IGSF3: variants seen among roughly 807,000 people sequenced by gnomAD.
IGSF3 encodes immunoglobulin superfamily member 3, also known as glu-Trp-Ile EWI motif-containing protein 3.
Under a neutral mutation model 114.4 loss-of-function variants are expected in IGSF3, and 23 were observed. The ratio of observed to expected loss-of-function variants is 0.20; its 90% CI spans 0.14 to 0.28. The LOEUF is 0.28. Ranked by LOEUF, IGSF3 falls within the 10% of genes least tolerant of loss-of-function variation. IGSF3 has a pLI of 1.00. For synonymous variants in IGSF3, 571 were observed against 645.2 expected (o/e 0.88, Z 1.74); for missense variants, 1,172 against 1,591.5 (o/e 0.74, Z 4.48).
chr1:116,579,618 C>G lies in IGSF3; in HGVS notation c.3108G>C (p.Val1036=). The G allele has an allele frequency of 6.2e-7, 1 of 1,614,120 alleles. No individual in the cohort carries two copies. The highest frequency in any genetic ancestry group is 1.1e-5 in the South Asian group (1 of 91,070). ...DPTERTALLS[V]GPDAVFGPEG... is the part of the protein sequence containing the mutation. ...CTGGGCCAAAGACAGCATCTGGGCC[C>G]ACGCTCAGCAGGGCCGTCCGCTCTG... The change falls in exon 10 of 11, where the codon GTG becomes GTC. Residue 1036 remains valine (V), a synonymous_variant. Coordinates refer to ENST00000369486, the MANE Select transcript of IGSF3 (RefSeq NM_001007237.3). The surrounding 1 kb of genome is among the most constrained non-coding windows in gnomAD (Gnocchi z 6.4).
chr1:116,618,743 T>C lies in IGSF3; in HGVS notation c.44-2286A>G, dbSNP rs895119488. On this transcript the variant is annotated intron_variant, in intron 2 of 10. Transcript: ENST00000369486. This position sits in a 1 kb window ranked among gnomAD's most constrained non-coding sequence, Gnocchi z 4.7. ...ATATGGTGACATTTTAATCAAATGATTGCAGTATTCCTGAAACACAGAACA... is the reference window on the plus strand; with the variant it reads ...ATATGGTGACATTTTAATCAAATGACTGCAGTATTCCTGAAACACAGAACA... Among the ~76,000 whole-genome samples the C allele has an allele frequency of 6.6e-6, 1 of 152,224 alleles. No individual in the cohort carries two copies. Among genetic ancestry groups the C allele is most frequent in the Non-Finnish European group, 1.5e-5 (1 of 68,034 alleles).
chr1:116,617,367 G>A (rs1347103190), intron 2 of IGSF3: 14 of 985,280 alleles, frequency 1.4e-5, no homozygotes, highest in Non-Finnish European at 1.6e-5. Context: ...CCACTCAGAA[G>A]GCGGGAGGGG....
In IGSF3 at chr1:116,660,839, A is replaced by C. The variant is rs117613202; in HGVS notation, c.43+5445T>G. Among the ~76,000 whole-genome samples the C allele has an allele frequency of 3.9e-5, 6 of 152,350 alleles. No homozygotes were observed. The East Asian group carries it at 1.2e-3, about 29-fold the overall frequency. On this transcript the variant is annotated intron_variant, in intron 2 of 10. Transcript: ENST00000369486. ...CACAAAAAAGGTTAAGAAGCTCTAT[A>C]ATCAGACAAATGTGAATTCAAATTC...
rs1452464053 is a variant in IGSF3, at chr1:116,644,775, C to T, written c.43+21509G>A. Among the ~76,000 whole-genome samples, 4 of 152,188 alleles carry T rather than the reference C, an allele frequency of 2.6e-5. No homozygotes were observed. Among genetic ancestry groups the T allele is most frequent in the Non-Finnish European group, 5.9e-5 (4 of 68,038 alleles). ...ACTGGCTCCAAATGGTCAGACTTCCCAAGAAATTCCTGTGAAAAGGACAGG... is the reference window on the plus strand; with the variant it reads ...ACTGGCTCCAAATGGTCAGACTTCCTAAGAAATTCCTGTGAAAAGGACAGG... On this transcript the variant is annotated intron_variant, in intron 2 of 10. Coordinates refer to ENST00000369486, the MANE Select transcript of IGSF3 (RefSeq NM_001007237.3). This position sits in a 1 kb window ranked among gnomAD's most constrained non-coding sequence, Gnocchi z 5.6.
Position 116,642,625 on chromosome 1 carries a change from C to T in IGSF3, c.43+23659G>A, listed in dbSNP as rs533109804. Among the ~76,000 whole-genome samples, 2 of 152,354 alleles carry T rather than the reference C, an allele frequency of 1.3e-5. No homozygotes were observed. Among genetic ancestry groups the T allele is most frequent in the East Asian group, 3.9e-4 (2 of 5,190 alleles). Reference sequence around the variant, plus strand: ...GTAACCAAATGTGAAAAAGAAAAGCCTCACAAGAATTAAAATTGATGGTTG... The same window carrying T: ...GTAACCAAATGTGAAAAAGAAAAGCTTCACAAGAATTAAAATTGATGGTTG... On this transcript the variant is annotated intron_variant, in intron 2 of 10. Coordinates refer to ENST00000369486, the MANE Select transcript of IGSF3 (RefSeq NM_001007237.3). This position sits in a 1 kb window ranked among gnomAD's most constrained non-coding sequence, Gnocchi z 5.4.
intron 8 of IGSF3, among the ~76,000 whole-genome samples, chr1:116,587,421 C>T (rs868288307): frequency 5.3e-5 from 8 of 152,064 alleles, no homozygotes; most frequent in African/African-American, 1.9e-4. Flanking sequence ...CTAGGAATCC[C>T]CCTTCACGGA....
intron 6 of IGSF3, among the ~76,000 whole-genome samples, chr1:116,601,548 A>G (rs2101436275): frequency 6.6e-6 from 1 of 152,350 alleles, no homozygotes; most frequent in East Asian, 1.9e-4. Context: ...ATTTTGTTAA[A>G]TATTTTGTTA....
In IGSF3 at chr1:116,584,790, G is replaced by A. The variant is rs1420868896; in HGVS notation, c.2703C>T (p.Tyr901=). The A allele has an allele frequency of 2.5e-6, 4 of 1,614,266 alleles. No homozygotes were observed. The highest frequency in any genetic ancestry group is 3.4e-6 in the Non-Finnish European group (4 of 1,180,050). Residue 901 remains tyrosine, a synonymous_variant, in exon 9 of 11, where the codon TAC becomes TAT. Transcript: ENST00000369486. This position sits in a 1 kb window ranked among gnomAD's most constrained non-coding sequence, Gnocchi z 5.8. Reference sequence around the variant, plus strand: ...CAGCCACGTTCTGGATGAAGAGACGGTACACGCCGGGGGAAGGACTCTCCA... The same window carrying A: ...CAGCCACGTTCTGGATGAAGAGACGATACACGCCGGGGGAAGGACTCTCCA... ...LHLESPSPGV[Y]RLFIQNVAVQ... is the part of the protein sequence containing the mutation.
At position 116,604,076 on chromosome 1, in the gene IGSF3, G is replaced by A. The variant is rs41275572; in HGVS notation, c.1223-51C>T. 4.2e-3 allele frequency: 5,895 copies of A among 1,411,046 alleles called. 20 individuals are homozygous for A. The highest frequency in any genetic ancestry group is 8.1e-3 in the South Asian group (609 of 75,522). The allele number at this position is 1,411,046 out of a possible 1,614,324, so 87.4% of individuals were successfully genotyped here. ...CTGGAGGCTTTATGGTCTCCACAGC[G>A]CCCTCCCCACAGAGGAAACAGGAGA... On this transcript the variant is annotated intron_variant, in intron 5 of 10. Coordinates refer to ENST00000369486, the MANE Select transcript of IGSF3 (RefSeq NM_001007237.3).
Position 116,603,609 on chromosome 1 carries a change from C to A in IGSF3, c.1624+15G>T, listed in dbSNP as rs1460300697. On this transcript the variant is annotated intron_variant, in intron 6 of 10. Coordinates refer to ENST00000369486, the MANE Select transcript of IGSF3 (RefSeq NM_001007237.3). This position sits in a 1 kb window ranked among gnomAD's most constrained non-coding sequence, Gnocchi z 7.1. ...CTCCATGCCAGACCCACTGCCAGTC[C>A]CACCGCTCACTCACCAAGAGCTGTG... The A allele has an allele frequency of 6.2e-7, 1 of 1,608,046 alleles. No homozygotes were observed. The highest frequency in any genetic ancestry group is 8.5e-7 in the Non-Finnish European group (1 of 1,176,028).
rs1354428750 is a variant in IGSF3 at position 116,647,058 on chromosome 1, G to A, written c.43+19226C>T. The A allele has an allele frequency of 6.6e-6, 1 of 152,638 alleles. No homozygotes were observed. Among genetic ancestry groups the A allele is most frequent in the Non-Finnish European group, 1.5e-5 (1 of 68,314 alleles). The allele number at this position is 152,638 out of a possible 1,614,324, so 9.5% of individuals were successfully genotyped here. A position where few individuals can be genotyped will look rare whatever the true frequency, so the allele number is the denominator to read the frequency against. On this transcript the variant is annotated intron_variant, in intron 2 of 10. Coordinates refer to ENST00000369486, the MANE Select transcript of IGSF3 (RefSeq NM_001007237.3). This position sits in a 1 kb window ranked among gnomAD's most constrained non-coding sequence, Gnocchi z 4.6. Reference sequence around the variant, plus strand: ...AGGCGAGAGAACAGTGGAACTGGCAGAGAGAGGCACTGGTGCAGATGGAGA... The same window carrying A: ...AGGCGAGAGAACAGTGGAACTGGCAAAGAGAGGCACTGGTGCAGATGGAGA...
chr1:116,603,573 A>G lies in IGSF3; in HGVS notation c.1624+51T>C. 1 of 1,563,656 alleles carries G rather than the reference A, an allele frequency of 6.4e-7. No individual in the cohort carries two copies. Among genetic ancestry groups the G allele is most frequent in the Non-Finnish European group, 8.7e-7 (1 of 1,145,580 alleles). Reference sequence around the variant, plus strand: ...GAAAAGTCAGGATAAGGTGTTTGACACTGAAGCTGTCTCCATGCCAGACCC... The same window carrying G: ...GAAAAGTCAGGATAAGGTGTTTGACGCTGAAGCTGTCTCCATGCCAGACCC... On this transcript the variant is annotated intron_variant, in intron 6 of 10. Transcript: ENST00000369486. This position sits in a 1 kb window ranked among gnomAD's most constrained non-coding sequence, Gnocchi z 7.1.
chr1:116,641,352 C>T (rs771288079), intron 2 of IGSF3, among the ~76,000 whole-genome samples: 1 of 151,410 alleles, frequency 6.6e-6, no homozygotes, highest in African/African-American at 2.4e-5. Flanking sequence ...AAAAATTAGC[C>T]GGGTATGGTG....
At chr1:116,601,975 C>T (rs541011737) in intron 6 of IGSF3, among the ~76,000 whole-genome samples, 1 of 152,212 alleles carries the variant, frequency 6.6e-6, no homozygotes, top group Non-Finnish European at 1.5e-5. Flanking sequence ...CTGCTCTAAC[C>T]GAACAGCCAT....
At position 116,575,718 on chromosome 1, in the gene IGSF3, A is replaced by G. The variant is rs1659316025; in HGVS notation, c.*1594T>C. 6.6e-6 allele frequency: 1 copy of G among 152,294 alleles called. No individual in the cohort carries two copies. The highest frequency in any genetic ancestry group is 2.4e-5 in the African/African-American group (1 of 41,466). The allele number at this position is 152,294 out of a possible 1,614,324, so 9.4% of individuals were successfully genotyped here. A position where few individuals can be genotyped will look rare whatever the true frequency, so the allele number is the denominator to read the frequency against. On this transcript the variant is annotated 3_prime_UTR_variant, in exon 11 of 11. Transcript: ENST00000369486. The surrounding 1 kb of genome is among the most constrained non-coding windows in gnomAD (Gnocchi z 5.6). Reference sequence around the variant, plus strand: ...CAGAAAAATATGGGAAAGCAAGGGTATAAGAACATCTTCATAAAGGGAGCA... The same window carrying G: ...CAGAAAAATATGGGAAAGCAAGGGTGTAAGAACATCTTCATAAAGGGAGCA...
chr1:116,604,143 G>A, intron 5 of IGSF3, 118 bp from the exon 6 acceptor site: 3 of 963,698 alleles, frequency 3.1e-6, no homozygotes, highest in Non-Finnish European at 4.5e-6. Flanking sequence ...GTGAGCCTCA[G>A]AGGGTCAAAA....
At position 116,595,637 on chromosome 1, in the gene IGSF3, C is replaced by T. The variant is rs2101400269; in HGVS notation, c.2029+4304G>A. ...CACCCTCTGACAAGTCGGCTTTCCACCACTAGAGGCTGTCCTCATGGAAGC... is the reference window on the plus strand; with the variant it reads ...CACCCTCTGACAAGTCGGCTTTCCATCACTAGAGGCTGTCCTCATGGAAGC... On this transcript the variant is annotated intron_variant, in intron 7 of 10. Coordinates refer to ENST00000369486, the MANE Select transcript of IGSF3 (RefSeq NM_001007237.3). This position sits in a 1 kb window ranked among gnomAD's most constrained non-coding sequence, Gnocchi z 4.2. Among the ~76,000 whole-genome samples the T allele has an allele frequency of 6.6e-6, 1 of 152,302 alleles. No homozygotes were observed. The highest frequency in any genetic ancestry group is 1.5e-5 in the Non-Finnish European group (1 of 68,036).
In IGSF3 at chr1:116,632,284, C is replaced by G. The variant is rs961402892; in HGVS notation, c.44-15827G>C. The stretch of plus-strand genomic sequence containing the variant: ...CTGACCATCCCCCAAAACCTCCCAC[C>G]CCACCTAGTGCTGATAACAGGAGTT... On this transcript the variant is annotated intron_variant, in intron 2 of 10. Transcript: ENST00000369486. This position sits in a 1 kb window ranked among gnomAD's most constrained non-coding sequence, Gnocchi z 5.1. Among the ~76,000 whole-genome samples the G allele has an allele frequency of 6.6e-6, 1 of 152,136 alleles. No homozygotes were observed. Among genetic ancestry groups the G allele is most frequent in the East Asian group, 1.9e-4 (1 of 5,198 alleles).
chr1:116,645,668 G>C (rs1309406925), intron 2 of IGSF3, among the ~76,000 whole-genome samples: 1 of 152,180 alleles, frequency 6.6e-6, no homozygotes, highest in Non-Finnish European at 1.5e-5. Flanking sequence ...CCCCGGGCAG[G>C]GGAACTGTAG....
Sources: allele counts gnomAD v4.1 joint callset (sites outside exome capture counted in the v4.1 genomes callset), GRCh38; gene constraint gnomAD v4.1.1; non-coding constraint Gnocchi (gnomAD v3.1); transcripts MANE v1.5; gene names NCBI Gene and HGNC (gene_info 2026-07-23, HGNC 2026-07-21).